MKRN2OS: variants seen among roughly 807,000 people sequenced by gnomAD.
MKRN2OS encodes MKRN2 opposite strand, also known as MKRN2 opposite strand protein.
A neutral mutation model predicts 18.2 loss-of-function variants in MKRN2OS; 17 were observed. The observed-to-expected ratio is 0.93, with a 90% CI of 0.64 to 1.40. MKRN2OS has a LOEUF of 1.40. Ranked by LOEUF, MKRN2OS falls within the 40% of genes most tolerant of loss-of-function variation. The pLI, the probability that MKRN2OS is intolerant of heterozygous loss-of-function variation, is 0.00. For missense variants in MKRN2OS, 337 were observed against 283.0 expected (o/e 1.19, Z -1.37); for synonymous variants, 121 against 108.5 (o/e 1.12, Z -0.72).
At position 12,542,031 on chromosome 3, in the gene MKRN2OS, C is replaced by G. The variant is rs1250898249; in HGVS notation, c.269-9G>C. ...GTAATTATACACAACCCCTGCAAAT[C>G]AAAACCAAAGTCATGTGGAGCCCCA... On this transcript the variant is annotated splice_polypyrimidine_tract_variant and intron_variant, in intron 2 of 3. Coordinates refer to ENST00000564146, the MANE Select transcript of MKRN2OS (RefSeq NM_001195279.2). The G allele has an allele frequency of 1.4e-5, 21 of 1,530,600 alleles. No homozygotes were observed. Among genetic ancestry groups the G allele is most frequent in the Non-Finnish European group, 1.8e-5 (21 of 1,143,140 alleles). The allele number at this position is 1,530,600 out of a possible 1,614,324, so 94.8% of individuals were successfully genotyped here.
chr3:12,558,806 G>C (rs577328140), intron 1 of MKRN2OS, among the ~76,000 whole-genome samples: 1 of 152,272 alleles, frequency 6.6e-6, no homozygotes, highest in South Asian at 2.1e-4. Context: ...GTTGAGAAGG[G>C]ATCACTTCTG....
In MKRN2OS at chr3:12,543,113, TCTC is replaced by T. The variant is rs572139697; in HGVS notation, c.268+64_268+66del. ...CTTATTAGATGTTGCCATAATCAAA[TCTC>T]CACAAATACTGCTTTCCTTTTGCTG... is the stretch of plus-strand genomic sequence containing the variant. On this transcript the variant is annotated intron_variant, in intron 2 of 3. Transcript: ENST00000564146. The T allele has an allele frequency of 8.0e-5, 106 of 1,321,518 alleles. No homozygotes were observed. The African/African-American group carries it at 1.3e-3, about 17-fold the overall frequency. The allele number at this position is 1,321,518 out of a possible 1,614,324, so 81.9% of individuals were successfully genotyped here. A position where few individuals can be genotyped will look rare whatever the true frequency, so the allele number is the denominator to read the frequency against.
chr3:12,552,500 C>T (rs1462845806), downstream of MKRN2OS, among the ~76,000 whole-genome samples: 1 of 150,582 alleles, frequency 6.6e-6, no homozygotes, highest in Non-Finnish European at 1.5e-5. Flanking sequence ...AAACCTCTGC[C>T]TCCCGGGTTC....
At chr3:12,558,214 T>G (rs755014444) in intron 1 of MKRN2OS, among the ~76,000 whole-genome samples, 1 of 152,232 alleles carries the variant, frequency 6.6e-6, no homozygotes, top group Non-Finnish European at 1.5e-5. Flanking sequence ...TTAGCATTAG[T>G]GTACATTTAC....
chr3:12,551,990 T>C (rs2057932763), downstream of MKRN2OS, among the ~76,000 whole-genome samples: 1 of 151,492 alleles, frequency 6.6e-6, no homozygotes, highest in African/African-American at 2.4e-5. Context: ...CCAGCTATAT[T>C]ACATTTAGTG....
chr3:12,554,540 C>T (rs1314431101), intron 1 of MKRN2OS, among the ~76,000 whole-genome samples: 2 of 151,564 alleles, frequency 1.3e-5, no homozygotes, highest in African/African-American at 4.8e-5. Context: ...ACACAGACCT[C>T]AGGAGATCCT....
chr3:12,550,653 T>C (rs1028561311), downstream of MKRN2OS, among the ~76,000 whole-genome samples: 3 of 152,240 alleles, frequency 2.0e-5, no homozygotes, highest in African/African-American at 7.2e-5. Context: ...CTGAAGCTTT[T>C]TAATAAACTT....
intron 3 of MKRN2OS, among the ~76,000 whole-genome samples, 151 bp from the exon 4 acceptor site, chr3:12,540,584 G>A (rs1446161387): frequency 6.6e-6 from 1 of 151,830 alleles, no homozygotes; most frequent in Non-Finnish European, 1.5e-5. Flanking sequence ...TTCAAGATGT[G>A]CACTTCAGGC....
chr3:12,558,394 AG>A (rs2058002755), intron 1 of MKRN2OS, among the ~76,000 whole-genome samples: 1 of 152,148 alleles, frequency 6.6e-6, no homozygotes, highest in Non-Finnish European at 1.5e-5. Flanking sequence ...CTCCTGCTGG[AG>A]GAAGTATTCC....
At chr3:12,552,341 C>G (rs2057935540), downstream of MKRN2OS, among the ~76,000 whole-genome samples, 1 of 151,648 alleles carries the variant, frequency 6.6e-6, no homozygotes, top group African/African-American at 2.4e-5. Context: ...CCAAAACTCC[C>G]ATAAAACAAT....
At chr3:12,544,732 T>G (rs912386270) in intron 1 of MKRN2OS, among the ~76,000 whole-genome samples, 4 of 152,170 alleles carry the variant, frequency 2.6e-5, no homozygotes, top group South Asian at 4.1e-4. Context: ...TCATCCTTTT[T>G]GTTTATGCTA....
At chr3:12,552,665 C>T (rs1428745789), downstream of MKRN2OS, among the ~76,000 whole-genome samples, 9 of 151,432 alleles carry the variant, frequency 5.9e-5, no homozygotes, top group Non-Finnish European at 1.0e-4. Context: ...CTCACCTGGG[C>T]CTCCCAAAGT....
At chr3:12,544,793 T>C (rs1327701334) in intron 1 of MKRN2OS, among the ~76,000 whole-genome samples, 2 of 152,224 alleles carry the variant, frequency 1.3e-5, no homozygotes, top group Non-Finnish European at 2.9e-5. Flanking sequence ...AGGTGGTGTC[T>C]ACAGTGGAAA....
In MKRN2OS at chr3:12,541,857, T is replaced by C. The variant is rs2057818784; in HGVS notation, c.431+3A>G. The C allele has an allele frequency of 6.5e-7, 1 of 1,535,132 alleles. No homozygotes were observed. Among genetic ancestry groups the C allele is most frequent in the East Asian group, 2.4e-5 (1 of 40,908 alleles). On this transcript the variant is annotated splice_donor_region_variant and intron_variant, in intron 3 of 3. Coordinates refer to ENST00000564146, the MANE Select transcript of MKRN2OS (RefSeq NM_001195279.2). ...CGAGGGGGCAGCATTTGCAGTCGTG[T>C]ACCTGTGAGGCAGCCAGGCCCCCGA...
intron 1 of MKRN2OS, chr3:12,560,717 G>A (rs570788899): frequency 2.6e-5 from 4 of 152,204 alleles, no homozygotes; most frequent in Non-Finnish European, 4.4e-5. Context: ...GGTTTACCCA[G>A]GGTAACACCC....
upstream of MKRN2OS, chr3:12,545,543 G>A (rs941562544): frequency 4.3e-5 from 47 of 1,104,792 alleles, no homozygotes; most frequent in Non-Finnish European, 5.8e-5. Flanking sequence ...AATGCACACC[G>A]CCCCAAGGAA....
exon 2 of MKRN2OS, chr3:12,553,984 C>T (rs1328336005): frequency 1.3e-5 from 2 of 152,246 alleles, no homozygotes; most frequent in African/African-American, 4.8e-5. Context: ...CGGCGCACGT[C>T]TGCGCAAAGG....
At position 12,539,866 on chromosome 3, in the gene MKRN2OS, A is replaced by G. The variant is rs1048447082; in HGVS notation, c.*327T>C. 10 of 305,822 alleles carry G rather than the reference A, an allele frequency of 3.3e-5. No homozygotes were observed. Among genetic ancestry groups the G allele is most frequent in the South Asian group, 7.7e-5 (2 of 26,132 alleles). The allele number at this position is 305,822 out of a possible 1,614,324, so 18.9% of individuals were successfully genotyped here. A position where few individuals can be genotyped will look rare whatever the true frequency, so the allele number is the denominator to read the frequency against. Reference sequence around the variant, plus strand: ...AATGGCACGATCTCAACTCATCCCAACCTCCGCCTCCCGGGTTCAAGCGAT... The same window carrying G: ...AATGGCACGATCTCAACTCATCCCAGCCTCCGCCTCCCGGGTTCAAGCGAT... On this transcript the variant is annotated 3_prime_UTR_variant, in exon 4 of 4. Transcript: ENST00000564146.
chr3:12,546,029 G>C (rs999759245), upstream of MKRN2OS, among the ~76,000 whole-genome samples: 1 of 151,976 alleles, frequency 6.6e-6, no homozygotes, highest in Non-Finnish European at 1.5e-5. Flanking sequence ...GGCTGGACTT[G>C]AAGAGGCCTT....
Sources: gnomAD v4.1 joint callset for allele counts (sites outside exome capture counted in the v4.1 genomes callset) on GRCh38, gnomAD v4.1.1 for gene constraint, MANE v1.5 for transcripts, NCBI Gene and HGNC (gene_info 2026-07-23, HGNC 2026-07-21) for gene names.